Variants in RUNDC1 observed in about 807,000 individuals in gnomAD.
RUNDC1 encodes the protein RUN domain-containing protein 1.
RUNDC1 carries 31 observed loss-of-function variants against 49.3 expected under a neutral mutation model. The ratio of observed to expected loss-of-function variants is 0.63; its 90% CI spans 0.47 to 0.85. The LOEUF is 0.85. RUNDC1 is among the 40% of genes least tolerant of loss of function. The probability of loss-of-function intolerance (pLI) is 0.00; values close to 1 mark genes in which losing one functional copy is unlikely to be tolerated. For synonymous variants in RUNDC1, 347 were observed against 348.6 expected, an observed-to-expected ratio of 1.00 and a Z score of 0.05; for missense variants, 715 against 806.7, an observed-to-expected ratio of 0.89 and a Z score of 1.38.
chr17:42,990,723 C>A, intron 4 of RUNDC1, 128 bp from the exon 5 acceptor site: 2 of 1,105,172 alleles, frequency 1.8e-6, no homozygotes, highest in Non-Finnish European at 2.6e-6. Context: ...CCAGCTACAT[C>A]CTGGGTGGCT....
In RUNDC1 at chr17:42,994,770, A is replaced by G. The variant is rs909909109; in HGVS notation, c.*3054A>G. 1.3e-5 allele frequency among the ~76,000 whole-genome samples: 2 copies of G among 152,222 alleles called. No individual in the cohort carries two copies. The highest frequency in any genetic ancestry group is 4.8e-5 in the African/African-American group (2 of 41,460). Reference sequence around the variant, plus strand: ...CAGATATCTGCTAAGCTCTGATATCATCTGTCATTACTGAGAACAGAGCTC... The same window carrying G: ...CAGATATCTGCTAAGCTCTGATATCGTCTGTCATTACTGAGAACAGAGCTC... On this transcript the variant is annotated 3_prime_UTR_variant, in exon 5 of 5. Coordinates refer to ENST00000361677, the MANE Select transcript of RUNDC1 (RefSeq NM_173079.5).
chr17:42,984,564 T>G (rs7223060), intron 1 of RUNDC1, among the ~76,000 whole-genome samples: 3,346 of 152,296 alleles, frequency 0.022, 144 homozygotes, highest in African/African-American at 0.073. Flanking sequence ...ATATTTTCTC[T>G]TATCTTACTT....
chr17:42,994,960 C>G lies in RUNDC1; in HGVS notation c.*3244C>G, dbSNP rs1293406016. 4.3e-5 allele frequency among the ~76,000 whole-genome samples: 4 copies of G among 92,102 alleles called. No homozygotes were observed. The highest frequency in any genetic ancestry group is 8.1e-5 in the African/African-American group (3 of 36,872). The allele number at this position is 92,102 out of a possible 152,430, so 60.4% of individuals were successfully genotyped here. A position where few individuals can be genotyped will look rare whatever the true frequency, so the allele number is the denominator to read the frequency against. ...ATCTGCAAAGTATTGTTAAAGCCGT[C>G]TAAGGTGCTCTCCAATCATTCATTC... On this transcript the variant is annotated 3_prime_UTR_variant, in exon 5 of 5. Coordinates refer to ENST00000361677, the MANE Select transcript of RUNDC1 (RefSeq NM_173079.5).
intron 4 of RUNDC1, 112 bp from the exon 5 acceptor site, chr17:42,990,739 C>A: frequency 1.5e-6 from 2 of 1,343,866 alleles, no homozygotes; most frequent in Non-Finnish European, 2.0e-6. Context: ...TGGCTCTTGC[C>A]TTCATGTGAG....
At chr17:42,987,111 G>T in intron 1 of RUNDC1, 145 bp from the exon 2 acceptor site, 1 of 570,764 alleles carries the variant, frequency 1.8e-6, no homozygotes, top group South Asian at 2.9e-5. Flanking sequence ...TCTTACTTTT[G>T]AATCTATCGT....
Position 42,981,124 on chromosome 17 carries a change from G to A in RUNDC1, c.498+50G>A. The stretch of plus-strand genomic sequence containing the variant: ...AGGAATATGGGAATAGTGGGGTCGT[G>A]TGGGTGGCGATCCAGACCCGGATGA... On this transcript the variant is annotated intron_variant, in intron 1 of 4. Transcript: ENST00000361677. The A allele has an allele frequency of 3.3e-6, 5 of 1,514,330 alleles. No homozygotes were observed. In the South Asian group the frequency reaches 6.1e-5, roughly 18 times the overall value. The allele number at this position is 1,514,330 out of a possible 1,614,324, so 93.8% of individuals were successfully genotyped here.
chr17:42,985,625 TTC>T, intron 1 of RUNDC1: 4 of 344,920 alleles, frequency 1.2e-5, no homozygotes, highest in Non-Finnish European at 1.5e-5. Context: ...TTTTCATTTC[TTC>T]TCTCTCATTA....
intron 1 of RUNDC1, chr17:42,982,026 C>T (rs1283118758): frequency 2.2e-5 from 3 of 138,166 alleles, no homozygotes; most frequent in Non-Finnish European, 4.5e-5. Context: ...CACTCTGTCA[C>T]CTAGGCCAGA....
chr17:42,983,371 T>C (rs993709306), intron 1 of RUNDC1, among the ~76,000 whole-genome samples: 29 of 151,346 alleles, frequency 1.9e-4, no homozygotes, highest in African/African-American at 7.0e-4. Context: ...TTTTTTTCTT[T>C]TTCCTTTTTT....
At chr17:42,988,227 T>C (rs1415288166) in intron 2 of RUNDC1, among the ~76,000 whole-genome samples, 1 of 151,192 alleles carries the variant, frequency 6.6e-6, no homozygotes, top group Admixed American at 6.7e-5. Context: ...TGGCTGTTTT[T>C]CTGGCTGGGC....
chr17:42,991,919 A>G lies in RUNDC1; in HGVS notation c.*203A>G. The G allele has an allele frequency of 1.6e-6, 1 of 609,142 alleles. No homozygotes were observed. Among genetic ancestry groups the G allele is most frequent in the South Asian group, 2.0e-5 (1 of 49,246 alleles). The allele number at this position is 609,142 out of a possible 1,614,324, so 37.7% of individuals were successfully genotyped here. ...ATGTGCTGGAGGGACCCTCTTGTTA[A>G]GAAGGTTCTGCCAGGCCGGGCGCGG... On this transcript the variant is annotated 3_prime_UTR_variant, in exon 5 of 5. Transcript: ENST00000361677.
chr17:42,988,765 G>C (rs1452245910), intron 2 of RUNDC1, among the ~76,000 whole-genome samples: 1 of 151,998 alleles, frequency 6.6e-6, no homozygotes, highest in Admixed American at 6.6e-5. Context: ...GATCTCTTGA[G>C]GCCAGAAGTT....
At position 42,994,433 on chromosome 17, in the gene RUNDC1, A is replaced by G. The variant is rs1019315680; in HGVS notation, c.*2717A>G. 3.3e-5 allele frequency among the ~76,000 whole-genome samples: 5 copies of G among 152,236 alleles called. No individual in the cohort carries two copies. Among genetic ancestry groups the G allele is most frequent in the African/African-American group, 1.2e-4 (5 of 41,462 alleles). The stretch of plus-strand genomic sequence containing the variant: ...GGTTAAATATTTTGTCCTGGTTTAC[A>G]TGATGATGGAAGACCTGAGATTTGG... On this transcript the variant is annotated 3_prime_UTR_variant, in exon 5 of 5. Transcript: ENST00000361677.
chr17:42,988,171 A>G (rs1406460691), intron 2 of RUNDC1, among the ~76,000 whole-genome samples: 3 of 151,998 alleles, frequency 2.0e-5, no homozygotes, highest in African/African-American at 7.3e-5. Flanking sequence ...CTCTTGGTAG[A>G]GATACAGTTA....
At chr17:42,990,789 GT>G in intron 4 of RUNDC1, 61 bp from the exon 5 acceptor site, 1 of 1,515,868 alleles carries the variant, frequency 6.6e-7, no homozygotes, top group Non-Finnish European at 8.8e-7. Context: ...CCTGTGATTT[GT>G]TGAGTGTAGC....
intron 3 of RUNDC1, among the ~76,000 whole-genome samples, 164 bp from the exon 4 acceptor site, chr17:42,990,153 T>A (rs2050219346): frequency 6.6e-6 from 1 of 152,234 alleles, no homozygotes; most frequent in African/African-American, 2.4e-5. Flanking sequence ...TAGCAAATAT[T>A]TATTGAGCCA....
chr17:42,990,585 T>G (rs2050225643), intron 4 of RUNDC1, 149 bp downstream of exon 4: 2 of 876,652 alleles, frequency 2.3e-6, no homozygotes, highest in Admixed American at 2.8e-5. Flanking sequence ...ATTCTAAAAT[T>G]GATTGCAGTG....
intron 2 of RUNDC1, among the ~76,000 whole-genome samples, chr17:42,988,256 A>ATTTT (rs35256791): frequency 6.8e-6 from 1 of 146,948 alleles, no homozygotes; most frequent in Non-Finnish European, 1.5e-5. Flanking sequence ...ACGATATCAG[A>ATTTT]TTTTTTTTTT....
intron 2 of RUNDC1, among the ~76,000 whole-genome samples, chr17:42,988,941 G>A (rs1378604591): frequency 1.3e-5 from 2 of 152,120 alleles, no homozygotes; most frequent in African/African-American, 4.8e-5. Context: ...CACATTACTG[G>A]ACCCTAGCCT....
Sources: gnomAD v4.1 joint callset for allele counts (sites outside exome capture counted in the v4.1 genomes callset) on GRCh38, gnomAD v4.1.1 for gene constraint, MANE v1.5 for transcripts, NCBI Gene and HGNC (gene_info 2026-07-23, HGNC 2026-07-21) for gene names.